The following GRIA4 variants were observed in gnomAD, a reference collection of about 807,000 sequenced individuals.
The protein encoded by GRIA4 is glutamate ionotropic receptor AMPA type subunit 4, also known as glutamate receptor 4.
In GRIA4, 34 loss-of-function variants were observed where a neutral mutation model predicts 104.0. That is an observed-to-expected ratio of 0.33 (90% CI 0.25 to 0.44). The LOEUF is 0.44. Among genes scored for constraint, GRIA4 ranks in the 20% least tolerant of loss-of-function variants. The pLI, the probability that GRIA4 is intolerant of heterozygous loss-of-function variation, is 1.00. For missense variants in GRIA4, 750 were observed against 1,096.5 expected, an observed-to-expected ratio of 0.68 and a Z score of 4.46; for synonymous variants, 386 against 381.9, an observed-to-expected ratio of 1.01 and a Z score of -0.13.
intron 4 of GRIA4, among the ~76,000 whole-genome samples, chr11:105,861,168 TC>T (rs1945209877): frequency 6.6e-6 from 1 of 152,088 alleles, no homozygotes; most frequent in African/African-American, 2.4e-5. Context: ...TTTTATTCTC[TC>T]ATGGCAGGCT....
At chr11:105,829,625 C>A (rs1204209281) in intron 4 of GRIA4, among the ~76,000 whole-genome samples, 1 of 151,826 alleles carries the variant, frequency 6.6e-6, no homozygotes. Context: ...AGTGGCCTAG[C>A]TATAAGAAGA....
chr11:105,700,267 T>C (rs1003139754), intron 3 of GRIA4, among the ~76,000 whole-genome samples: 1 of 152,220 alleles, frequency 6.6e-6, no homozygotes, highest in Non-Finnish European at 1.5e-5. Flanking sequence ...AGTCAGCTCA[T>C]TTATGTGTAA....
At chr11:105,714,265 AT>A (rs1471103040) in intron 3 of GRIA4, among the ~76,000 whole-genome samples, 3 of 145,470 alleles carry the variant, frequency 2.1e-5, no homozygotes, top group Non-Finnish European at 4.6e-5. Flanking sequence ...AAAAAAAAAA[AT>A]CAATATATAT....
At chr11:105,901,728 T>C (rs1170883929) in intron 7 of GRIA4, among the ~76,000 whole-genome samples, 2 of 152,248 alleles carry the variant, frequency 1.3e-5, no homozygotes, top group African/African-American at 4.8e-5. Flanking sequence ...TGCTCTTTTT[T>C]CTGGTTCACA....
At position 105,981,749 on chromosome 11, in the gene GRIA4, A is replaced by G. The variant is rs1348280180; in HGVS notation, c.*2010A>G. On this transcript the variant is annotated 3_prime_UTR_variant, in exon 17 of 17. Coordinates refer to ENST00000282499, the MANE Select transcript of GRIA4 (RefSeq NM_000829.4). ...CAGCACATGGAGCACTGCATAGACT[A>G]TTTCCTCAGTGCGTAACTCCTCCCT... 2.6e-5 allele frequency: 4 copies of G among 152,616 alleles called. No homozygotes were observed. The South Asian group carries it at 8.3e-4, about 32-fold the overall frequency. The allele number at this position is 152,616 out of a possible 1,614,324, so 9.5% of individuals were successfully genotyped here. A position where few individuals can be genotyped will look rare whatever the true frequency, so the allele number is the denominator to read the frequency against.
chr11:105,821,343 T>C (rs1162460026), intron 4 of GRIA4, among the ~76,000 whole-genome samples: 3 of 152,134 alleles, frequency 2.0e-5, no homozygotes, highest in Non-Finnish European at 2.9e-5. Context: ...AGGTCGTTCT[T>C]GCATTGCTAT....
chr11:105,610,599 A>C (rs1417024133), intron 1 of GRIA4, 171 bp downstream of exon 1: 3 of 164,916 alleles, frequency 1.8e-5, no homozygotes, highest in African/African-American at 4.8e-5. Flanking sequence ...CCGCGGCGCC[A>C]GTGTTTGTGT....
chr11:105,668,628 CA>C, intron 3 of GRIA4, among the ~76,000 whole-genome samples: 1 of 149,246 alleles, frequency 6.7e-6, no homozygotes, highest in African/African-American at 2.4e-5. Flanking sequence ...CATCAGTATA[CA>C]AAGGTTCCCT....
intron 14 of GRIA4, among the ~76,000 whole-genome samples, chr11:105,935,812 T>C (rs140284459): frequency 6.6e-6 from 1 of 152,240 alleles, no homozygotes; most frequent in African/African-American, 2.4e-5. Context: ...CTCTTAAATG[T>C]GCCACTTTGT....
intron 4 of GRIA4, among the ~76,000 whole-genome samples, chr11:105,833,288 C>A (rs1168785938): frequency 6.6e-6 from 1 of 151,924 alleles, no homozygotes; most frequent in African/African-American, 2.4e-5. Flanking sequence ...TCACCTGTCT[C>A]CCTCCATCTC....
At chr11:105,816,738 T>C (rs1943392124) in intron 4 of GRIA4, among the ~76,000 whole-genome samples, 1 of 151,998 alleles carries the variant, frequency 6.6e-6, no homozygotes, top group South Asian at 2.1e-4. Context: ...TCTGTCTGGG[T>C]GCAGTGGCCA....
At chr11:105,741,872 G>A (rs911182528) in intron 3 of GRIA4, among the ~76,000 whole-genome samples, 4 of 152,116 alleles carry the variant, frequency 2.6e-5, no homozygotes, top group South Asian at 2.1e-4. Context: ...AGGACAAAAC[G>A]GGGAGAAGCA....
In GRIA4 at chr11:105,894,897, T is replaced by C. The variant is rs1207587050; in HGVS notation, c.727-3372T>C. On this transcript the variant is annotated intron_variant, in intron 6 of 16. Coordinates refer to ENST00000282499, the MANE Select transcript of GRIA4 (RefSeq NM_000829.4). ...TCACTGCAAGCTCCGCTTCCCGGGT[T>C]CACGCCATTCTCCTGCCTCAGCCTC... is the stretch of plus-strand genomic sequence containing the variant. Among the ~76,000 whole-genome samples the C allele has an allele frequency of 8.8e-5, 10 of 113,460 alleles. 2 individuals are homozygous for C. The Admixed American group carries it at 9.8e-4, about 11-fold the overall frequency. 74.4% of individuals were successfully genotyped at this position (113,460 alleles called of 152,430 possible). A position where few individuals can be genotyped will look rare whatever the true frequency, so the allele number is the denominator to read the frequency against.
intron 14 of GRIA4, among the ~76,000 whole-genome samples, chr11:105,957,429 G>A (rs1402998934): frequency 7.9e-5 from 12 of 152,080 alleles, no homozygotes; most frequent in Non-Finnish European, 1.3e-4. Context: ...GTAGATATGC[G>A]GCATTATTTC....
At chr11:105,778,698 A>G (rs1174561398) in intron 4 of GRIA4, among the ~76,000 whole-genome samples, 1 of 152,108 alleles carries the variant, frequency 6.6e-6, no homozygotes, top group Non-Finnish European at 1.5e-5. Flanking sequence ...GAGCAAGACT[A>G]CATCTCAAAA....
chr11:105,695,437 T>TATGC (rs1221717117), intron 3 of GRIA4, among the ~76,000 whole-genome samples: 2 of 150,386 alleles, frequency 1.3e-5, no homozygotes, highest in Non-Finnish European at 3.0e-5. Context: ...AGAGAGAGTG[T>TATGC]ATGCGTGCGT....
chr11:105,742,373 C>T (rs1214061517), intron 3 of GRIA4, among the ~76,000 whole-genome samples: 2 of 152,086 alleles, frequency 1.3e-5, no homozygotes, highest in African/African-American at 4.8e-5. Context: ...CGCACCTGCA[C>T]ATCTCATTCG....
intron 3 of GRIA4, among the ~76,000 whole-genome samples, chr11:105,689,199 G>T (rs898704236): frequency 2.6e-5 from 4 of 152,170 alleles, no homozygotes; most frequent in Non-Finnish European, 4.4e-5. Context: ...TCACCAAGAA[G>T]AGATGGAATT....
rs752319424 is a variant in GRIA4, at chr11:105,933,816, G to C, written c.2141G>C (p.Arg714Pro). ...AGGACTACAGCTGAGGGAGTAGCTC[G>C]TGTCCGCAAATCCAAGGGCAAATTT... Reference protein sequence around the residue: ...FTRTTAEGVARVRKSKGKFAF... With the variant: ...FTRTTAEGVAPVRKSKGKFAF... Residue 714 changes from arginine to proline, a missense_variant, in exon 14 of 17, where the codon CGT becomes CCT. Transcript: ENST00000282499. The C allele has an allele frequency of 6.2e-7, 1 of 1,613,370 alleles. No homozygotes were observed. The highest frequency in any genetic ancestry group is 8.5e-7 in the Non-Finnish European group (1 of 1,179,532).
Sources: allele counts gnomAD v4.1 joint callset (sites outside exome capture counted in the v4.1 genomes callset), GRCh38; gene constraint gnomAD v4.1.1; transcripts MANE v1.5; gene names NCBI Gene and HGNC (gene_info 2026-07-23, HGNC 2026-07-21).